CDH12: variants seen among roughly 807,000 people sequenced by gnomAD.
CDH12 encodes the protein cadherin-12.
A neutral mutation model predicts 74.1 loss-of-function variants in CDH12; 41 were observed. The observed-to-expected ratio is 0.55, with a 90% confidence interval of 0.43 to 0.72. The LOEUF is 0.72. Ranked by LOEUF, CDH12 falls within the 30% of genes least tolerant of loss-of-function variation. The pLI is 0.00. For synonymous variants in CDH12, 399 were observed against 355.0 expected, an observed-to-expected ratio of 1.12 and a Z score of -1.39; for missense variants, 945 against 977.2, an observed-to-expected ratio of 0.97 and a Z score of 0.44.
At chr5:21,766,287 A>G (rs1304770873) in intron 11 of CDH12, among the ~76,000 whole-genome samples, 2 of 152,046 alleles carry the variant, frequency 1.3e-5, no homozygotes, top group African/African-American at 4.8e-5. Flanking sequence ...CATTATTTGT[A>G]CCAATACCTA....
chr5:22,086,347 T>A (rs962024144), intron 4 of CDH12, among the ~76,000 whole-genome samples: 41 of 151,840 alleles, frequency 2.7e-4, no homozygotes, highest in African/African-American at 2.2e-4. Flanking sequence ...TTATTTATTT[T>A]TTATTATTAT....
intron 6 of CDH12, among the ~76,000 whole-genome samples, chr5:21,950,473 C>T (rs1287637701): frequency 1.3e-5 from 2 of 151,662 alleles, no homozygotes; most frequent in South Asian, 2.1e-4. Flanking sequence ...AGACTTCAAC[C>T]ACAACATATA....
chr5:22,566,877 C>T (rs192569687), intron 1 of CDH12, among the ~76,000 whole-genome samples: 263 of 152,186 alleles, frequency 1.7e-3, no homozygotes, highest in African/African-American at 6.1e-3. Context: ...CATTCAAATG[C>T]ATAACATTCA....
intron 1 of CDH12, among the ~76,000 whole-genome samples, chr5:22,752,672 C>T (rs1745652476): frequency 1.4e-5 from 1 of 71,188 alleles, no homozygotes; most frequent in Non-Finnish European, 2.8e-5. Context: ...CCCGGGTTCA[C>T]GCCATTCTCC....
chr5:22,743,250 A>G (rs993144017), intron 1 of CDH12, among the ~76,000 whole-genome samples: 55 of 136,434 alleles, frequency 4.0e-4, no homozygotes, highest in African/African-American at 1.5e-3. Context: ...CATCCATAAT[A>G]GCATGGAGAT....
At chr5:22,115,689 CTT>C (rs10669028) in intron 4 of CDH12, among the ~76,000 whole-genome samples, 7 of 110,472 alleles carry the variant, frequency 6.3e-5, no homozygotes, top group East Asian at 2.6e-4. Context: ...GTCCTCGCGA[CTT>C]TTTTTTTTTT....
chr5:21,878,916 G>T (rs962005542), intron 6 of CDH12, among the ~76,000 whole-genome samples: 18 of 122,102 alleles, frequency 1.5e-4, no homozygotes, highest in African/African-American at 5.5e-4. Flanking sequence ...GAAAAGAAAG[G>T]AAGAAAGAAA....
rs565090298 is a variant in CDH12 at position 21,807,209 on chromosome 5, T to TG, written c.1003-4790dup. Among the ~76,000 whole-genome samples, 342 of 152,170 alleles carry TG rather than the reference T, an allele frequency of 2.2e-3. 6 individuals carry two copies. The highest frequency in any genetic ancestry group is 9.7e-4 in the East Asian group (5 of 5,152). On this transcript the variant is annotated intron_variant, in intron 9 of 14. Transcript: ENST00000382254. ...TCCCTGCCCAGAGATGGACTCAGCA[T>TG]GGGGGGGACTGTATTTTACACCCTT...
At chr5:21,891,801 TATTA>T (rs1752912108) in intron 6 of CDH12, among the ~76,000 whole-genome samples, 1 of 152,088 alleles carries the variant, frequency 6.6e-6, no homozygotes, top group Non-Finnish European at 1.5e-5. Flanking sequence ...AAATGTACCT[TATTA>T]ATTATTTTGA....
intron 7 of CDH12, among the ~76,000 whole-genome samples, chr5:21,845,036 T>TAGA (rs10692312): frequency 2.2e-5 from 2 of 91,262 alleles, no homozygotes; most frequent in African/African-American, 3.6e-5. Context: ...GATAGATAGA[T>TAGA]TAGATTAGAT....
intron 1 of CDH12, among the ~76,000 whole-genome samples, chr5:22,842,608 A>C (rs144099427): frequency 1.5e-3 from 223 of 152,276 alleles, no homozygotes; most frequent in African/African-American, 5.2e-3. Flanking sequence ...ACAAGGTATC[A>C]TTAATGTGGC....
intron 1 of CDH12, among the ~76,000 whole-genome samples, chr5:22,561,005 C>T (rs1739024445): frequency 6.6e-6 from 1 of 152,080 alleles, no homozygotes; most frequent in South Asian, 2.1e-4. Flanking sequence ...TGCTCTTTGC[C>T]ACATCACAAA....
chr5:21,885,345 T>C (rs990566672), intron 6 of CDH12, among the ~76,000 whole-genome samples: 23 of 152,186 alleles, frequency 1.5e-4, no homozygotes, highest in African/African-American at 5.1e-4. Context: ...TTTTAGCTTA[T>C]TGTACTGTAG....
intron 10 of CDH12, among the ~76,000 whole-genome samples, chr5:21,795,655 C>A (rs1027168800): frequency 6.6e-6 from 1 of 151,932 alleles, no homozygotes; most frequent in East Asian, 1.9e-4. Context: ...TCACAAAAAT[C>A]TTGTGAGGTA....
chr5:21,895,369 G>A (rs922203344), intron 6 of CDH12, among the ~76,000 whole-genome samples: 5 of 152,126 alleles, frequency 3.3e-5, no homozygotes, highest in African/African-American at 1.2e-4. Context: ...AACTGAGTAG[G>A]CCGGCGGCCC....
At chr5:22,457,257 C>A (rs1297453456) in intron 2 of CDH12, among the ~76,000 whole-genome samples, 1 of 152,120 alleles carries the variant, frequency 6.6e-6, no homozygotes, top group Non-Finnish European at 1.5e-5. Flanking sequence ...AACAAGAGAA[C>A]TGTATTGCCT....
At chr5:22,004,395 A>C (rs1044120411) in intron 5 of CDH12, among the ~76,000 whole-genome samples, 1 of 152,172 alleles carries the variant, frequency 6.6e-6, no homozygotes, top group Non-Finnish European at 1.5e-5. Flanking sequence ...CACTCAGTCA[A>C]ACCTAAATCC....
intron 10 of CDH12, among the ~76,000 whole-genome samples, chr5:21,794,621 A>G (rs1355816333): frequency 6.6e-6 from 1 of 151,158 alleles, no homozygotes; most frequent in Non-Finnish European, 1.5e-5. Flanking sequence ...CAAAATATCT[A>G]TTTTTTTCAT....
chr5:21,858,065 C>T (rs533500650), intron 6 of CDH12, among the ~76,000 whole-genome samples: 1 of 151,462 alleles, frequency 6.6e-6, no homozygotes, highest in South Asian at 2.1e-4. Flanking sequence ...GGATTAGGAC[C>T]CACCCTTAGG....
Sources: allele counts gnomAD v4.1 joint callset (sites outside exome capture counted in the v4.1 genomes callset), GRCh38; gene constraint gnomAD v4.1.1; transcripts MANE v1.5; gene names NCBI Gene and HGNC (gene_info 2026-07-23, HGNC 2026-07-21).